ACCSL: variants seen among roughly 807,000 people sequenced by gnomAD.
ACCSL encodes probable inactive 1-aminocyclopropane-1-carboxylate synthase-like protein 2.
A neutral mutation model predicts 61.7 loss-of-function variants in ACCSL; 55 were observed. The ratio of observed to expected loss-of-function variants is 0.89; its 90% CI spans 0.72 to 1.12. The LOEUF (loss-of-function observed/expected upper bound fraction) is 1.12. Among genes scored for constraint, ACCSL ranks in the 50% most tolerant of loss-of-function variants. The pLI is 0.00. For synonymous variants in ACCSL, 258 were observed against 264.3 expected, an observed-to-expected ratio of 0.98 and a Z score of 0.23; for missense variants, 632 against 698.0, an observed-to-expected ratio of 0.91 and a Z score of 1.07.
the ACCSL span, among the ~76,000 whole-genome samples, chr11:43,982,226 C>CTTT: frequency 0.014 from 1,187 of 86,220 alleles, 19 homozygotes; most frequent in Non-Finnish European, 0.022. Context: ...CCAAGGCCCT[C>CTTT]TTTTTTTTTT....
At chr11:44,025,520 G>A in the ACCSL span, among the ~76,000 whole-genome samples, 24 of 152,118 alleles carry the variant, frequency 1.6e-4, no homozygotes, top group African/African-American at 5.8e-4. Flanking sequence ...TGCATGATAA[G>A]ACTGTAACAG....
chr11:43,968,525 A>G, the ACCSL span, among the ~76,000 whole-genome samples: 1 of 152,164 alleles, frequency 6.6e-6, no homozygotes, highest in African/African-American at 2.4e-5. Context: ...ACATCCAGGA[A>G]AAGAAGAAGA....
the ACCSL span, among the ~76,000 whole-genome samples, chr11:44,013,346 C>T: frequency 2.0e-5 from 3 of 152,194 alleles, no homozygotes; most frequent in Non-Finnish European, 2.9e-5. Flanking sequence ...GTGGCGCAAT[C>T]TCGGCTCGCT....
rs1245667999 is a variant in ACCSL, at chr11:44,058,374, A to G, written c.1385A>G (p.Lys462Arg). Residue 462 changes from lysine (K) to arginine (R), a missense_variant, in exon 12 of 14, where the codon AAG becomes AGG. Physicochemically the swap from Lys to Arg is conservative, Grantham distance 26 (BLOSUM62 2). Coordinates refer to ENST00000378832, the MANE Select transcript of ACCSL (RefSeq NM_001031854.2). ...TNCYRLREAH[K>R]YITAELKALE... Reference sequence around the variant, plus strand: ...TGCTACCGGCTCCGGGAAGCTCACAAGTACATCACTGCTGAGCTGAAGGCA... The same window carrying G: ...TGCTACCGGCTCCGGGAAGCTCACAGGTACATCACTGCTGAGCTGAAGGCA... 2.5e-6 allele frequency: 4 copies of G among 1,614,048 alleles called. No individual in the cohort carries two copies. The highest frequency in any genetic ancestry group is 3.4e-6 in the Non-Finnish European group (4 of 1,180,030).
intron 8 of ACCSL, among the ~76,000 whole-genome samples, chr11:44,053,721 G>A (rs1952654071): frequency 6.6e-6 from 1 of 152,092 alleles, no homozygotes; most frequent in Non-Finnish European, 1.5e-5. Flanking sequence ...AATTAACCAG[G>A]CATCATGGTG....
chr11:44,000,178 G>A, the ACCSL span, among the ~76,000 whole-genome samples: 1 of 152,080 alleles, frequency 6.6e-6, no homozygotes, highest in African/African-American at 2.4e-5. Context: ...AGGCTGGAGT[G>A]CAGTGGCACG....
Position 44,053,047 on chromosome 11 carries a change from C to T in ACCSL, c.927C>T (p.Ala309=). The T allele has an allele frequency of 6.2e-7, 1 of 1,614,070 alleles. No individual in the cohort carries two copies. Among genetic ancestry groups the T allele is most frequent in the Non-Finnish European group, 8.5e-7 (1 of 1,179,988 alleles). ...TCACTGTGGACAAGTTAGAGGAAGC[C>T]CTGCTTGAAGCTAGGCTTGAGGTAA... ...FQLTVDKLEE[A]LLEARLEGKK... The change falls in exon 7 of 14, where the codon GCC becomes GCT. Residue 309 remains alanine, a synonymous_variant. Coordinates refer to ENST00000378832, the MANE Select transcript of ACCSL (RefSeq NM_001031854.2).
upstream of ACCSL, among the ~76,000 whole-genome samples, chr11:44,046,133 A>G (rs556656832): frequency 6.6e-6 from 1 of 152,332 alleles, no homozygotes; most frequent in African/African-American, 2.4e-5. Context: ...CATTAAAATG[A>G]ATCTCTTCTA....
the ACCSL span, among the ~76,000 whole-genome samples, chr11:43,979,853 A>AG: frequency 7.8e-6 from 1 of 128,644 alleles, no homozygotes; most frequent in African/African-American, 2.9e-5. Flanking sequence ...TCTCAAAAAA[A>AG]AAAAAAAAAA....
chr11:43,979,911 G>A, the ACCSL span, among the ~76,000 whole-genome samples: 57 of 150,266 alleles, frequency 3.8e-4, no homozygotes, highest in East Asian at 0.01. Context: ...ACAGAAATGT[G>A]TAACTTAGAT....
In ACCSL at chr11:44,056,286, C is replaced by T; in HGVS notation, c.1287C>T (p.Gly429=). The change falls in exon 11 of 14, where the codon GGC becomes GGT. Residue 429 remains glycine, a synonymous_variant. Coordinates refer to ENST00000378832, the MANE Select transcript of ACCSL (RefSeq NM_001031854.2). ...TTGGCTACCTCCACAGTATTTCTGG[C>T]ATCACCCAGCACAAGCTGTGTCAAC... is the stretch of plus-strand genomic sequence containing the variant. ...SAFGYLHSIS[G]ITQHKLCQLL... The T allele has an allele frequency of 1.9e-6, 3 of 1,614,162 alleles. No homozygotes were observed. Among genetic ancestry groups the T allele is most frequent in the Non-Finnish European group, 2.5e-6 (3 of 1,180,034 alleles).
chr11:43,951,769 G>C, the ACCSL span, among the ~76,000 whole-genome samples: 6 of 152,346 alleles, frequency 3.9e-5, no homozygotes, highest in East Asian at 7.7e-4. Flanking sequence ...GGGAGGCCGA[G>C]TCAGGTGGAT....
At chr11:43,996,196 C>T in the ACCSL span, among the ~76,000 whole-genome samples, 2 of 152,228 alleles carry the variant, frequency 1.3e-5, no homozygotes, top group African/African-American at 2.4e-5. Context: ...GCCGCTAGAA[C>T]TGTGAGAGGA....
the ACCSL span, among the ~76,000 whole-genome samples, chr11:44,017,826 GGAGA>G: frequency 1.3e-5 from 2 of 150,824 alleles, no homozygotes; most frequent in Non-Finnish European, 3.0e-5. Flanking sequence ...ACTGACCCTG[GGAGA>G]GAGAGAGAGA....
the ACCSL span, among the ~76,000 whole-genome samples, chr11:43,957,148 C>T: frequency 6.6e-6 from 1 of 152,170 alleles, no homozygotes. Context: ...GCCATTGATA[C>T]AGCCTCAGGA....
At chr11:43,976,478 G>A in the ACCSL span, among the ~76,000 whole-genome samples, 2 of 152,186 alleles carry the variant, frequency 1.3e-5, no homozygotes, top group African/African-American at 4.8e-5. Context: ...CTAAGTATTT[G>A]TTAAGGTAAT....
the ACCSL span, among the ~76,000 whole-genome samples, chr11:43,956,566 C>T: frequency 4.6e-5 from 7 of 152,080 alleles, no homozygotes; most frequent in South Asian, 2.1e-4. Context: ...ACTATAGGCA[C>T]GTGCCACCAC....
Position 44,048,179 on chromosome 11 carries a change from C to T in ACCSL, c.143C>T (p.Thr48Met), listed in dbSNP as rs200325579. Residue 48 changes from threonine (T) to methionine (M), a missense_variant, in exon 1 of 14, where the codon ACG (threonine) becomes ATG (methionine). Transcript: ENST00000378832. ...QAMTEHFVQL[T>M]SRQGLSLEER... ...ATGACGGAGCACTTCGTGCAGCTGA[C>T]GAGCAGACAGGGCCTGTCGCTGGAG... The T allele has an allele frequency of 5.0e-5, 80 of 1,614,044 alleles. No homozygotes were observed. Among genetic ancestry groups the T allele is most frequent in the Middle Eastern group, 3.3e-4 (2 of 6,084 alleles).
At chr11:44,036,254 A>G in the ACCSL span, among the ~76,000 whole-genome samples, 4 of 152,196 alleles carry the variant, frequency 2.6e-5, no homozygotes, top group African/African-American at 7.2e-5. Flanking sequence ...GGCCAGACCT[A>G]AAGGAATTGT....
Sources: gnomAD v4.1 joint callset for allele counts (sites outside exome capture counted in the v4.1 genomes callset) on GRCh38, gnomAD v4.1.1 for gene constraint, MANE v1.5 for transcripts, NCBI Gene and HGNC (gene_info 2026-07-23, HGNC 2026-07-21) for gene names.